The following OCRL variants were observed in gnomAD, a reference collection of about 807,000 sequenced individuals.
The protein encoded by OCRL is OCRL inositol polyphosphate-5-phosphatase.
In OCRL, 8 loss-of-function variants were observed where a neutral mutation model predicts 78.9. The ratio of observed to expected loss-of-function variants is 0.10; its 90% CI spans 0.06 to 0.18. The LOEUF (loss-of-function observed/expected upper bound fraction) is 0.18. OCRL is among the 10% of genes least tolerant of loss of function. The pLI, the probability that OCRL is intolerant of heterozygous loss-of-function variation, is 1.00. For missense variants in OCRL, 454 were observed against 696.7 expected, an observed-to-expected ratio of 0.65 and a Z score of 3.92; for synonymous variants, 240 against 235.4, an observed-to-expected ratio of 1.02 and a Z score of -0.18.
At chrX:129,583,072 C>T (rs1458221163) in intron 18 of OCRL, among the ~76,000 whole-genome samples, 1 of 111,765 alleles carries the variant, frequency 8.9e-6, no homozygotes, top group East Asian at 2.8e-4. Flanking sequence ...CATACTGCCC[C>T]ATCACCCATT....
At chrX:129,585,495 A>G (rs1241057586) in intron 19 of OCRL, among the ~76,000 whole-genome samples, 1 of 112,406 alleles carries the variant, frequency 8.9e-6, no homozygotes, top group Admixed American at 9.4e-5. Context: ...CTAAAGAATC[A>G]GTACACGTGC....
intron 21 of OCRL, 142 bp downstream of exon 21, chrX:129,588,405 G>A: frequency 1.9e-6 from 1 of 522,374 alleles, no homozygotes; most frequent in Non-Finnish European, 3.2e-6. Flanking sequence ...CTATCCACTT[G>A]TTTCTCATTT....
chrX:129,575,067 A>C, intron 15 of OCRL, 73 bp from the exon 16 acceptor site: 3 of 740,991 alleles, frequency 4.0e-6, no homozygotes, highest in Non-Finnish European at 6.4e-6. Flanking sequence ...ACCAGTTTTA[A>C]ATTGTTAGAT....
intron 18 of OCRL, among the ~76,000 whole-genome samples, chrX:129,583,931 A>T (rs1311145218): frequency 6.4e-5 from 7 of 110,211 alleles, no homozygotes. Context: ...AATGGAAAGT[A>T]GAGTGGTTTA....
In OCRL at chrX:129,589,845, G is replaced by A; in HGVS notation, c.2470G>A (p.Val824Met). ...TGCCTGCCCCTATTTTTAAAAACAG[G>A]TGATCTCCCAGCTTCCGAGATGCCA... is the stretch of plus-strand genomic sequence containing the variant. ...SAYDPRICRQ[V>M]ISQLPRCHRN... Residue 824 changes from valine to methionine, a missense_variant and splice_region_variant, in exon 23 of 24, where the codon GTG becomes ATG. Physicochemically the swap from Val to Met is conservative, Grantham distance 21. This residue lies in a region of OCRL where 277 missense variants were observed against 517.1 expected (regional missense o/e 0.54). Transcript: ENST00000371113. The A allele has an allele frequency of 3.3e-6, 4 of 1,194,938 alleles. No individual in the cohort carries two copies. The highest frequency in any genetic ancestry group is 3.4e-6 in the Non-Finnish European group (3 of 880,428).
intron 19 of OCRL, among the ~76,000 whole-genome samples, chrX:129,585,550 T>G (rs376990671): frequency 5.3e-5 from 6 of 112,215 alleles, no homozygotes; most frequent in South Asian, 3.7e-4. Context: ...TGGACAGTGT[T>G]TTGTCTCAAA....
At chrX:129,586,436 C>T (rs186464376) in intron 19 of OCRL, among the ~76,000 whole-genome samples, 1 of 112,258 alleles carries the variant, frequency 8.9e-6, no homozygotes, top group Admixed American at 9.5e-5. Flanking sequence ...TTAGAACTTC[C>T]ATCAAGCCTG....
At chrX:129,559,091 G>T (rs149820951) in intron 8 of OCRL, 90 bp downstream of exon 8, 547 of 851,723 alleles carry the variant, frequency 6.4e-4, no homozygotes, top group Non-Finnish European at 6.6e-4. Flanking sequence ...GCCTAATTAA[G>T]AATCAAAATA....
chrX:129,574,678 T>A (rs1936345576), intron 15 of OCRL, among the ~76,000 whole-genome samples: 1 of 112,498 alleles, frequency 8.9e-6, no homozygotes. Context: ...TTTTGTACAG[T>A]GCAAGCAATC....
chrX:129,572,308 A>G (rs1386928856), intron 15 of OCRL, among the ~76,000 whole-genome samples: 1 of 111,596 alleles, frequency 9.0e-6, no homozygotes, highest in East Asian at 2.8e-4. Context: ...ATCTTATTAC[A>G]TAAAGACCTA....
rs752439587 is a variant in OCRL at position 129,590,191 on chromosome X, T to C, written c.2627T>C (p.Met876Thr). ...CTCCTGAGGCCTCCACCCAACCTTA[T>C]GGCAAGACAGACTCCAAGTGACCGC... The part of the protein sequence containing the change: ...SLLLRPPPNL[M>T]ARQTPSDRQR... Residue 876 changes from methionine (M) to threonine (T), a missense_variant, in exon 24 of 24, where the codon ATG becomes ACG. Around this residue, in one of 2 missense-constraint regions of OCRL, gnomAD observed 277 missense variants for 517.1 expected, o/e 0.54. Transcript: ENST00000371113. 2 of 1,211,332 alleles carry C rather than the reference T, an allele frequency of 1.7e-6. No homozygotes were observed. The highest frequency in any genetic ancestry group is 4.4e-5 in the Admixed American group (2 of 45,964).
At position 129,548,643 on chromosome X, in the gene OCRL, TA is replaced by T. The variant is rs1246741702; in HGVS notation, c.238+43del. On this transcript the variant is annotated intron_variant, in intron 4 of 23. Coordinates refer to ENST00000371113, the MANE Select transcript of OCRL (RefSeq NM_000276.4). ...ATGTGCTTGATTTTTACTCAACAAA[TA>T]TTTACTTGAACACTCACTACATTTA... 3.7e-6 allele frequency: 4 copies of T among 1,084,535 alleles called. No individual in the cohort carries two copies. In the African/African-American group the frequency reaches 7.3e-5, roughly 20 times the overall value. The allele number at this position is 1,084,535 out of a possible 1,213,427, so 89.4% of individuals were successfully genotyped here.
rs1188979310 is a variant in OCRL at position 129,565,877 on chromosome X, C to T, written c.1350C>T (p.Phe450=). 10 of 1,166,735 alleles carry T rather than the reference C, an allele frequency of 8.6e-6. No homozygotes were observed. Among genetic ancestry groups the T allele is most frequent in the East Asian group, 6.0e-5 (2 of 33,557 alleles). Residue 450 remains phenylalanine, a synonymous_variant, in exon 13 of 24, where the codon TTC becomes TTT. Coordinates refer to ENST00000371113, the MANE Select transcript of OCRL (RefSeq NM_000276.4). ...AAGACCTTCAGAGACTCTTGAAATTCGACCAGGTAAGTAAAGTTTCATTTT... is the reference window on the plus strand; with the variant it reads ...AAGACCTTCAGAGACTCTTGAAATTTGACCAGGTAAGTAAAGTTTCATTTT... ...NKKDLQRLLK[F]DQLNIQRTQK...
At chrX:129,548,455 A>T in intron 3 of OCRL, 108 bp from the exon 4 acceptor site, 2 of 621,367 alleles carry the variant, frequency 3.2e-6, no homozygotes, top group Non-Finnish European at 5.5e-6. Context: ...TCTAAGACCT[A>T]GGAGTAGTGA....
intron 4 of OCRL, among the ~76,000 whole-genome samples, chrX:129,555,934 G>A (rs1342947551): frequency 9.0e-6 from 1 of 111,383 alleles, no homozygotes; most frequent in African/African-American, 3.3e-5. Flanking sequence ...TATCTTCATG[G>A]CTGCTATAAT....
At chrX:129,575,541 G>A (rs998113008) in intron 16 of OCRL, 19 of 378,886 alleles carry the variant, frequency 5.0e-5, no homozygotes, top group East Asian at 4.1e-4. Flanking sequence ...TAAGCCCTCC[G>A]CTGTTAGATG....
At position 129,562,905 on chromosome X, in the gene OCRL, G is replaced by T. The variant is rs1408632341; in HGVS notation, c.1244+119G>T. ...AGTGAAAGATTACCAGTGAGGGATT[G>T]GGGTCACAAAGGAGAGGGTTTTTGA... On this transcript the variant is annotated intron_variant, in intron 12 of 23. Coordinates refer to ENST00000371113, the MANE Select transcript of OCRL (RefSeq NM_000276.4). 5.8e-5 allele frequency: 40 copies of T among 688,407 alleles called. No homozygotes were observed. The Admixed American group carries it at 9.9e-4, about 17-fold the overall frequency. 56.7% of individuals were successfully genotyped at this position (688,407 alleles called of 1,213,427 possible).
At chrX:129,582,750 G>T (rs1432471733) in intron 18 of OCRL, among the ~76,000 whole-genome samples, 1 of 111,673 alleles carries the variant, frequency 9.0e-6, no homozygotes, top group Non-Finnish European at 1.9e-5. Context: ...ACCCACAAAA[G>T]CATGTTTAAT....
chrX:129,550,982 T>TTAAAATTATTCATA (rs2068394911), intron 4 of OCRL, among the ~76,000 whole-genome samples: 1 of 110,867 alleles, frequency 9.0e-6, no homozygotes, highest in Admixed American at 9.6e-5. Context: ...TTCAAGTTTG[T>TTAAAATTATTCATA]GTTTTTTAAA....
Sources: gnomAD v4.1 joint callset for allele counts (sites outside exome capture counted in the v4.1 genomes callset) on GRCh38, gnomAD v4.1.1 for gene constraint, gnomAD v4.1.1 regional missense constraint, MANE v1.5 for transcripts, NCBI Gene and HGNC (gene_info 2026-07-23, HGNC 2026-07-21) for gene names.